Variants in RRP12 observed in about 807,000 individuals in gnomAD.
RRP12 encodes ribosomal RNA processing 12 homolog, also known as RRP12-like protein.
A neutral mutation model predicts 157.3 loss-of-function variants in RRP12; 78 were observed. The ratio of observed to expected loss-of-function variants is 0.50; its 90% CI spans 0.41 to 0.60. The LOEUF (loss-of-function observed/expected upper bound fraction) is 0.60. RRP12 is among the 20% of genes least tolerant of loss of function. RRP12 has a pLI of 0.00. For missense variants in RRP12, 1,521 were observed against 1,679.9 expected (o/e 0.91, Z 1.65); for synonymous variants, 726 against 670.9 (o/e 1.08, Z -1.27).
Position 97,366,229 on chromosome 10 carries a change from CGT to C in RRP12, c.3394_3395del (p.Thr1132AlafsTer44). The C allele has an allele frequency of 6.2e-7, 1 of 1,611,506 alleles. No homozygotes were observed. The highest frequency in any genetic ancestry group is 8.5e-7 in the Non-Finnish European group (1 of 1,179,952). On this transcript the variant is annotated frameshift_variant and splice_region_variant, in exon 29 of 34. Coordinates refer to ENST00000370992, the MANE Select transcript of RRP12 (RefSeq NM_015179.4). LOFTEE classifies it high-confidence loss of function. ...TCCTGCCCCGGCCTGGCCCTGGCTG[CGT>C]GGCTGGGGTGTAGAGTTTGGCATGA... ...DPKVAQRVLA[T>X]QPGPGRGRKK...
At chr10:97,380,777 G>A (rs1258328029) in intron 13 of RRP12, 22 bp downstream of exon 13, 8 of 1,569,056 alleles carry the variant, frequency 5.1e-6, no homozygotes, top group African/African-American at 1.3e-5. Context: ...TCCTGCCCTG[G>A]CCCCAGCCGC....
At position 97,372,107 on chromosome 10, in the gene RRP12, C is replaced by T. The variant is rs752044310; in HGVS notation, c.2309G>A (p.Ser770Asn). 6.2e-7 allele frequency: 1 copy of T among 1,613,700 alleles called. No individual in the cohort carries two copies. The highest frequency in any genetic ancestry group is 8.5e-7 in the Non-Finnish European group (1 of 1,179,828). Reference protein sequence around the residue: ...LAPCADEAAISKLYSTIRPYL... With the variant: ...LAPCADEAAINKLYSTIRPYL... ...GGGCCGGATGGTGGAGTATAGCTTACTGATGGCAGCTTCGTCAGCACACGG... is the reference window on the plus strand; with the variant it reads ...GGGCCGGATGGTGGAGTATAGCTTATTGATGGCAGCTTCGTCAGCACACGG... The change falls in exon 20 of 34, where the codon AGT becomes AAT. Residue 770 changes from serine (S) to asparagine (N), a missense_variant. Ser to Asn is a conservative substitution (Grantham distance 46). Transcript: ENST00000370992.
At chr10:97,377,540 G>A (rs1844343431) in intron 15 of RRP12, among the ~76,000 whole-genome samples, 1 of 149,070 alleles carries the variant, frequency 6.7e-6, no homozygotes, top group Non-Finnish European at 1.5e-5. Flanking sequence ...ATGTGTCTGT[G>A]TTTCAATAAA....
chr10:97,389,763 A>G (rs1844749063), intron 6 of RRP12, among the ~76,000 whole-genome samples: 1 of 151,632 alleles, frequency 6.6e-6, no homozygotes, highest in African/African-American at 2.4e-5. Context: ...CCCAGGCTGG[A>G]GTGCAGTGGT....
chr10:97,395,733 C>A (rs1844943409), intron 3 of RRP12, among the ~76,000 whole-genome samples: 1 of 151,722 alleles, frequency 6.6e-6, no homozygotes, highest in Non-Finnish European at 1.5e-5. Context: ...CACCTGTAAT[C>A]CCAGCTACTC....
intron 33 of RRP12, among the ~76,000 whole-genome samples, chr10:97,357,950 G>A (rs1017704904): frequency 1.0e-3 from 151 of 146,782 alleles, no homozygotes; most frequent in African/African-American, 3.7e-3. Flanking sequence ...GTGACACAGC[G>A]AGACTCCGTC....
intron 33 of RRP12, 64 bp downstream of exon 33, chr10:97,358,473 A>G: frequency 8.1e-7 from 1 of 1,229,430 alleles, no homozygotes; most frequent in Non-Finnish European, 1.2e-6. Context: ...CCTTCTTTAG[A>G]GCACTCTGCT....
chr10:97,381,736 A>C lies in RRP12; in HGVS notation c.1299T>G (p.Thr433=). ...GTACCTTGAGGCTCTGCGTAGCAGC[A>C]GTCAGCACTTGCGAGTGTGGGGAAA... The part of the protein sequence containing the change: ...CLLSPHSQVL[T]AATQSLKEIL... Residue 433 remains threonine (T), a synonymous_variant, in exon 11 of 34, where the codon ACT becomes ACG. Transcript: ENST00000370992. 1 of 1,614,076 alleles carries C rather than the reference A, an allele frequency of 6.2e-7. No individual in the cohort carries two copies. Among genetic ancestry groups the C allele is most frequent in the East Asian group, 2.2e-5 (1 of 44,886 alleles).
intron 8 of RRP12, 44 bp downstream of exon 8, chr10:97,388,208 C>T (rs1844691860): frequency 6.2e-7 from 1 of 1,611,676 alleles, no homozygotes; most frequent in South Asian, 1.1e-5. Context: ...CCAAATGCCA[C>T]CACTGCAGGT....
At chr10:97,389,211 C>A (rs10882919) in intron 6 of RRP12, among the ~76,000 whole-genome samples, 57,590 of 151,570 alleles carry the variant, frequency 0.38, 11,362 homozygotes, top group African/African-American at 0.49. Context: ...CTCCTGCCTC[C>A]GCCTCCCGAG....
chr10:97,376,773 A>T (rs1035976683), intron 15 of RRP12, among the ~76,000 whole-genome samples: 15 of 152,090 alleles, frequency 9.9e-5, no homozygotes, highest in African/African-American at 3.1e-4. Flanking sequence ...CAGGCAGCAA[A>T]ATCACCCTCC....
chr10:97,364,251 T>C (rs370089138), intron 29 of RRP12, among the ~76,000 whole-genome samples: 6 of 152,254 alleles, frequency 3.9e-5, no homozygotes, highest in Admixed American at 2.6e-4. Context: ...AGTCAGGCGC[T>C]CCTGCAGCCC....
chr10:97,379,211 C>G, intron 15 of RRP12, 82 bp downstream of exon 15: 1 of 1,515,878 alleles, frequency 6.6e-7, no homozygotes, highest in East Asian at 2.3e-5. Flanking sequence ...GTGTGGGACT[C>G]AGCACCCTTC....
intron 4 of RRP12, 38 bp from the exon 5 acceptor site, chr10:97,390,882 C>G: frequency 7.3e-7 from 1 of 1,370,376 alleles, no homozygotes; most frequent in Non-Finnish European, 1.0e-6. Context: ...CCAGAGGGTC[C>G]CTGAAGAGCA....
chr10:97,401,081 C>T lies in RRP12; in HGVS notation c.139+12G>A. 1 of 1,612,378 alleles carries T rather than the reference C, an allele frequency of 6.2e-7. No individual in the cohort carries two copies. The highest frequency in any genetic ancestry group is 8.5e-7 in the Non-Finnish European group (1 of 1,179,280). ...CCCGCCCCCGGCTGCGCTCGGGTCT[C>T]AACCCAGCTACCTGACGGCCGGCTG... On this transcript the variant is annotated intron_variant, in intron 1 of 33. Coordinates refer to ENST00000370992, the MANE Select transcript of RRP12 (RefSeq NM_015179.4).
intron 32 of RRP12, 129 bp from the exon 33 acceptor site, chr10:97,358,748 CT>C (rs1843773613): frequency 1.2e-6 from 1 of 830,908 alleles, no homozygotes; most frequent in East Asian, 2.4e-5. Context: ...CTCCTGTATC[CT>C]TGGAAGGCCA....
Position 97,363,896 on chromosome 10 carries a change from A to T in RRP12, c.3525T>A (p.Asp1175Glu). Residue 1175 changes from aspartate to glutamate, a missense_variant, in exon 30 of 34, where the codon GAT becomes GAA. Coordinates refer to ENST00000370992, the MANE Select transcript of RRP12 (RefSeq NM_015179.4). ...CTTCCATTGGGTCAGCCATCTCTTC[A>T]TCTTCGCCTGGAGCCAAAAAAGAGA... ...MEEEEGAKGE[D>E]EEMADPMEDV... 1 of 1,614,030 alleles carries T rather than the reference A, an allele frequency of 6.2e-7. No homozygotes were observed. The highest frequency in any genetic ancestry group is 8.5e-7 in the Non-Finnish European group (1 of 1,179,928).
intron 25 of RRP12, among the ~76,000 whole-genome samples, chr10:97,367,735 C>T (rs1037262214): frequency 6.6e-6 from 1 of 152,146 alleles, no homozygotes; most frequent in African/African-American, 2.4e-5. Flanking sequence ...GGGTCCACGT[C>T]TACTCCTTTT....
intron 18 of RRP12, 72 bp downstream of exon 18, chr10:97,372,974 G>T: frequency 6.6e-7 from 1 of 1,506,986 alleles, no homozygotes; most frequent in South Asian, 1.2e-5. Context: ...TGGTGGGTAG[G>T]GTCTCGGCCT....
Sources: allele counts gnomAD v4.1 joint callset (sites outside exome capture counted in the v4.1 genomes callset), GRCh38; gene constraint gnomAD v4.1.1; transcripts MANE v1.5; gene names NCBI Gene and HGNC (gene_info 2026-07-23, HGNC 2026-07-21).